The following SEPTIN11 variants were observed in gnomAD, a reference collection of about 807,000 sequenced individuals.
SEPTIN11 encodes the protein septin-11.
A neutral mutation model predicts 51.4 loss-of-function variants in SEPTIN11; 25 were observed. That is an observed-to-expected ratio of 0.49 (90% CI 0.35 to 0.68). SEPTIN11 has a LOEUF of 0.68. Ranked by LOEUF, SEPTIN11 falls within the 30% of genes least tolerant of loss-of-function variation. The pLI, the probability that SEPTIN11 is intolerant of heterozygous loss-of-function variation, is 0.00. For missense variants in SEPTIN11, 381 were observed against 520.8 expected (o/e 0.73, Z 2.61); for synonymous variants, 174 against 184.1 (o/e 0.95, Z 0.44).
At chr4:76,998,991 G>A (rs1005873611) in intron 2 of SEPTIN11, among the ~76,000 whole-genome samples, 2 of 152,140 alleles carry the variant, frequency 1.3e-5, no homozygotes, top group Non-Finnish European at 2.9e-5. Flanking sequence ...AGACACACTG[G>A]ACAGATAAAA....
At chr4:77,007,194 G>C (rs1467724725) in intron 3 of SEPTIN11, among the ~76,000 whole-genome samples, 1 of 152,106 alleles carries the variant, frequency 6.6e-6, no homozygotes, top group East Asian at 1.9e-4. Context: ...ATAAGGAAAG[G>C]GGCACAAGTG....
At chr4:76,983,973 C>T (rs1722902255) in intron 1 of SEPTIN11, among the ~76,000 whole-genome samples, 2 of 152,070 alleles carry the variant, frequency 1.3e-5, no homozygotes, top group Admixed American at 1.3e-4. Flanking sequence ...CGCTATTGCA[C>T]TCCAGCCTAG....
At position 76,963,391 on chromosome 4, in the gene SEPTIN11, C is replaced by T. The variant is rs1375256052; in HGVS notation, c.27+13461C>T. Among the ~76,000 whole-genome samples, 3 of 152,314 alleles carry T rather than the reference C, an allele frequency of 2.0e-5. No individual in the cohort carries two copies. The East Asian group carries it at 5.8e-4, about 29-fold the overall frequency. ...TGGGTTGGTTGGATATTATTCTTCA[C>T]CCAACACCTTCACCTCCTTTTTGAT... On this transcript the variant is annotated intron_variant, in intron 1 of 9. Coordinates refer to ENST00000264893, the MANE Select transcript of SEPTIN11 (RefSeq NM_018243.4).
At chr4:77,029,941 T>C (rs895907274) in intron 8 of SEPTIN11, among the ~76,000 whole-genome samples, 6 of 152,108 alleles carry the variant, frequency 3.9e-5, no homozygotes, top group African/African-American at 1.4e-4. Context: ...CTTTTACCAC[T>C]AGGGTGAGTT....
Position 76,949,767 on chromosome 4 carries a change from G to T in SEPTIN11, c.-137G>T. Reference sequence around the variant, plus strand: ...GGCGTGGGGGGAGCAGATGCCGCTGGCTGCCAGCGGGACGCCGGCGAGCAG... The same window carrying T: ...GGCGTGGGGGGAGCAGATGCCGCTGTCTGCCAGCGGGACGCCGGCGAGCAG... On this transcript the variant is annotated 5_prime_UTR_variant, in exon 1 of 10. Transcript: ENST00000264893. 1 of 892,496 alleles carries T rather than the reference G, an allele frequency of 1.1e-6. No homozygotes were observed. Among genetic ancestry groups the T allele is most frequent in the East Asian group, 3.2e-5 (1 of 31,256 alleles). The allele number at this position is 892,496 out of a possible 1,614,324, so 55.3% of individuals were successfully genotyped here. A position where few individuals can be genotyped will look rare whatever the true frequency, so the allele number is the denominator to read the frequency against.
At chr4:77,006,983 T>C (rs1295549530) in intron 3 of SEPTIN11, among the ~76,000 whole-genome samples, 4 of 152,206 alleles carry the variant, frequency 2.6e-5, no homozygotes, top group African/African-American at 9.7e-5. Context: ...AATTGGTAGA[T>C]AGAGTGAGAA....
chr4:77,038,692 A>C (rs1727198150), downstream of SEPTIN11: 1 of 994,686 alleles, frequency 1.0e-6, no homozygotes. Flanking sequence ...TGGATAAAAG[A>C]AATAGGGATA....
In SEPTIN11 at chr4:77,011,847, C is replaced by G. The variant is rs369111942; in HGVS notation, c.451C>G (p.Leu151Val). The G allele has an allele frequency of 1.0e-4, 167 of 1,613,996 alleles. No individual in the cohort carries two copies. Among genetic ancestry groups the G allele is most frequent in the Non-Finnish European group, 1.4e-4 (162 of 1,179,984 alleles). ...CCATGACACGAGGATCCATGCCTGC[C>G]TCTACTTTATTGCCCCTACTGGACA... ...NYHDTRIHAC[L>V]YFIAPTGHSL... Residue 151 changes from leucine (L) to valine (V), a missense_variant, in exon 4 of 10, where the codon CTC becomes GTC. Coordinates refer to ENST00000264893, the MANE Select transcript of SEPTIN11 (RefSeq NM_018243.4).
Position 77,038,352 on chromosome 4 carries a change from A to G in SEPTIN11, c.*3840A>G, listed in dbSNP as rs748484079. On this transcript the variant is annotated 3_prime_UTR_variant, in exon 10 of 10. Coordinates refer to ENST00000264893, the MANE Select transcript of SEPTIN11 (RefSeq NM_018243.4). ...TTTGAAAATAACCAATGTGTTTTCT[A>G]AAACTGTCGTGTAATCTACTTTCAT... 1.6e-5 allele frequency: 16 copies of G among 985,882 alleles called. No homozygotes were observed. Among genetic ancestry groups the G allele is most frequent in the Non-Finnish European group, 1.9e-5 (16 of 829,914 alleles). The allele number at this position is 985,882 out of a possible 1,614,324, so 61.1% of individuals were successfully genotyped here.
chr4:77,013,060 C>G (rs1462828452), intron 4 of SEPTIN11, among the ~76,000 whole-genome samples: 1 of 152,180 alleles, frequency 6.6e-6, no homozygotes, highest in African/African-American at 2.4e-5. Context: ...CCTCCCTGTT[C>G]TCAAGAGTGC....
downstream of SEPTIN11, chr4:77,039,046 T>C (rs1333328541): frequency 7.8e-7 from 1 of 1,273,918 alleles, no homozygotes; most frequent in Non-Finnish European, 1.0e-6. Context: ...AATTTGAATC[T>C]GAACCTTTCT....
At chr4:76,951,201 C>A (rs1380318990) in intron 1 of SEPTIN11, among the ~76,000 whole-genome samples, 1 of 152,216 alleles carries the variant, frequency 6.6e-6, no homozygotes, top group African/African-American at 2.4e-5. Flanking sequence ...CACCCTACCC[C>A]CTCGGGAGAA....
In SEPTIN11 at chr4:77,037,011, T is replaced by G; in HGVS notation, c.*2499T>G. 5 of 1,250,200 alleles carry G rather than the reference T, an allele frequency of 4.0e-6. No individual in the cohort carries two copies. Among genetic ancestry groups the G allele is most frequent in the Non-Finnish European group, 5.0e-6 (5 of 1,000,352 alleles). The allele number at this position is 1,250,200 out of a possible 1,614,324, so 77.4% of individuals were successfully genotyped here. A position where few individuals can be genotyped will look rare whatever the true frequency, so the allele number is the denominator to read the frequency against. ...TATTTAAAAGGCCACATTTATATTT[T>G]TTTCACAAGAACCACATAATAAATT... On this transcript the variant is annotated 3_prime_UTR_variant, in exon 10 of 10. Coordinates refer to ENST00000264893, the MANE Select transcript of SEPTIN11 (RefSeq NM_018243.4).
intron 1 of SEPTIN11, among the ~76,000 whole-genome samples, chr4:76,971,158 T>C (rs1301448734): frequency 6.6e-6 from 1 of 152,242 alleles, no homozygotes; most frequent in African/African-American, 2.4e-5. Flanking sequence ...TATTTTCTAC[T>C]GTGGAATTGT....
intron 1 of SEPTIN11, among the ~76,000 whole-genome samples, chr4:76,958,151 A>G (rs1721643757): frequency 6.6e-6 from 1 of 152,200 alleles, no homozygotes; most frequent in Non-Finnish European, 1.5e-5. Context: ...ACGTGTGCCT[A>G]CCTGGCTGTT....
chr4:76,954,145 T>G (rs1392791254), intron 1 of SEPTIN11, among the ~76,000 whole-genome samples: 2 of 152,254 alleles, frequency 1.3e-5, no homozygotes, highest in Non-Finnish European at 2.9e-5. Flanking sequence ...CCTACTTGAT[T>G]GATTGCCAGC....
chr4:77,003,642 A>G (rs1400157112), intron 2 of SEPTIN11, among the ~76,000 whole-genome samples: 3 of 152,248 alleles, frequency 2.0e-5, no homozygotes, highest in Admixed American at 1.3e-4. Context: ...GTGAATCATC[A>G]TAGTTACAGG....
intron 5 of SEPTIN11, among the ~76,000 whole-genome samples, chr4:77,016,597 CACAT>C (rs1208034388): frequency 3.0e-5 from 3 of 99,760 alleles, no homozygotes; most frequent in African/African-American, 1.2e-4. Flanking sequence ...TATATACACA[CACAT>C]ATATATATAT....
chr4:77,021,847 G>A (rs1336659078), intron 7 of SEPTIN11, among the ~76,000 whole-genome samples: 7 of 152,140 alleles, frequency 4.6e-5, no homozygotes, highest in African/African-American at 1.2e-4. Context: ...TGGGCTTGTC[G>A]CCTGGCACTG....
Sources: allele counts gnomAD v4.1 joint callset (sites outside exome capture counted in the v4.1 genomes callset), GRCh38; gene constraint gnomAD v4.1.1; transcripts MANE v1.5; gene names NCBI Gene and HGNC (gene_info 2026-07-23, HGNC 2026-07-21).